Variants in CDH19 observed in about 807,000 individuals in gnomAD.
The protein encoded by CDH19 is cadherin-19.
Under a neutral mutation model 64.2 loss-of-function variants are expected in CDH19, and 67 were observed. The observed-to-expected ratio is 1.04, with a 90% CI of 0.86 to 1.28. CDH19 has a LOEUF of 1.28. Among genes scored for constraint, CDH19 ranks in the 50% most tolerant of loss-of-function variants. The probability of loss-of-function intolerance (pLI) is 0.00; values close to 1 mark genes in which losing one functional copy is unlikely to be tolerated. For synonymous variants in CDH19, 346 were observed against 319.3 expected, an observed-to-expected ratio of 1.08 and a Z score of -0.89; for missense variants, 1,030 against 929.0, an observed-to-expected ratio of 1.11 and a Z score of -1.41.
chr18:66,582,446 T>G (rs921383847), intron 1 of CDH19, among the ~76,000 whole-genome samples: 9 of 151,852 alleles, frequency 5.9e-5, no homozygotes, highest in Non-Finnish European at 1.3e-4. Flanking sequence ...GTATGAAATA[T>G]AAAGAAATGT....
intron 9 of CDH19, among the ~76,000 whole-genome samples, chr18:66,524,540 G>T (rs1986135347): frequency 1.4e-5 from 1 of 72,256 alleles, no homozygotes; most frequent in Non-Finnish European, 2.8e-5. Context: ...GTATGTTTGT[G>T]TGTATATATA....
chr18:66,526,715 T>C (rs1190186306), intron 9 of CDH19, among the ~76,000 whole-genome samples: 1 of 152,070 alleles, frequency 6.6e-6, no homozygotes, highest in East Asian at 1.9e-4. Context: ...TATTTCATCA[T>C]TGTGCATAAG....
Position 66,568,632 on chromosome 18 carries a change from T to C in CDH19, c.274A>G (p.Ile92Val), listed in dbSNP as rs774703578. Residue 92 changes from isoleucine (I) to valine (V), a missense_variant, in exon 3 of 12, where the codon ATT becomes GTT. Ile to Val is a conservative substitution (Grantham distance 29). Coordinates refer to ENST00000262150, the MANE Select transcript of CDH19 (RefSeq NM_021153.4). ...LGAGAGSTFI[I>V]DERTGDIYAI... ...TATATGTCACCTGTTCTTTCATCAA[T>C]GATAAAAGTACTTCCAGCTCCAGCT... 1 of 1,611,778 alleles carries C rather than the reference T, an allele frequency of 6.2e-7. No individual in the cohort carries two copies. The highest frequency in any genetic ancestry group is 8.5e-7 in the Non-Finnish European group (1 of 1,178,654).
chr18:66,544,769 C>T lies in CDH19; in HGVS notation c.910G>A (p.Asp304Asn). 6.2e-7 allele frequency: 1 copy of T among 1,611,568 alleles called. No homozygotes were observed. The highest frequency in any genetic ancestry group is 8.5e-7 in the Non-Finnish European group (1 of 1,178,160). Residue 304 changes from aspartate (D) to asparagine (N), a missense_variant, in exon 6 of 12, where the codon GAC (aspartate) becomes AAC (asparagine). Transcript: ENST00000262150. Reference protein sequence around the residue: ...SIEEDDSQTFDIITNHETQEG... With the variant: ...SIEEDDSQTFNIITNHETQEG... ...TGAGTTTCATGATTAGTAATAATGTCAAATGTTTGCGAATCATCCTCTTCA... is the reference window on the plus strand; with the variant it reads ...TGAGTTTCATGATTAGTAATAATGTTAAATGTTTGCGAATCATCCTCTTCA...
intron 9 of CDH19, among the ~76,000 whole-genome samples, chr18:66,513,359 T>C (rs566830419): frequency 6.6e-6 from 1 of 151,538 alleles, no homozygotes; most frequent in African/African-American, 2.4e-5. Flanking sequence ...TGCCTCCTTT[T>C]AAATGATCAT....
chr18:66,594,203 A>G (rs748421979), intron 1 of CDH19, among the ~76,000 whole-genome samples: 5 of 152,162 alleles, frequency 3.3e-5, no homozygotes, highest in Non-Finnish European at 7.3e-5. Flanking sequence ...CAATTCAACA[A>G]GAAGACTTAA....
At chr18:66,584,202 C>G (rs1356052856) in intron 1 of CDH19, among the ~76,000 whole-genome samples, 1 of 152,014 alleles carries the variant, frequency 6.6e-6, no homozygotes, top group Non-Finnish European at 1.5e-5. Flanking sequence ...TGAACAGACA[C>G]TTTTCTAAAG....
At chr18:66,559,341 T>G (rs1052506934) in intron 3 of CDH19, among the ~76,000 whole-genome samples, 1 of 151,982 alleles carries the variant, frequency 6.6e-6, no homozygotes, top group Non-Finnish European at 1.5e-5. Flanking sequence ...CTTTTAAGCC[T>G]TGACAGTAAT....
At chr18:66,578,076 T>C (rs1988316840) in intron 1 of CDH19, among the ~76,000 whole-genome samples, 1 of 152,094 alleles carries the variant, frequency 6.6e-6, no homozygotes, top group Middle Eastern at 3.4e-3. Flanking sequence ...ATAATCTTCC[T>C]ACCTAAAGAC....
intron 9 of CDH19, among the ~76,000 whole-genome samples, chr18:66,519,143 C>T (rs1393339425): frequency 6.6e-6 from 1 of 152,174 alleles, no homozygotes; most frequent in Non-Finnish European, 1.5e-5. Flanking sequence ...GCTCCACTCT[C>T]ATCTCCAACA....
chr18:66,509,027 A>G lies in CDH19; in HGVS notation c.1796T>C (p.Ile599Thr), dbSNP rs758200517. 2.4e-5 allele frequency: 38 copies of G among 1,612,070 alleles called. No homozygotes were observed. The highest frequency in any genetic ancestry group is 1.4e-5 in the Non-Finnish European group (16 of 1,178,702). ...LSMGFKTEVI[I>T]AILICIMIIF... ...GATCATAATGCAAATGAGAATAGCA[A>G]TGATGACTTCTGTCTTGAATCCCAT... is the stretch of plus-strand genomic sequence containing the variant. Residue 599 changes from isoleucine to threonine, a missense_variant, in exon 11 of 12, where the codon ATT becomes ACT. Coordinates refer to ENST00000262150, the MANE Select transcript of CDH19 (RefSeq NM_021153.4).
At chr18:66,521,877 G>A (rs1370161023) in intron 9 of CDH19, among the ~76,000 whole-genome samples, 1 of 151,384 alleles carries the variant, frequency 6.6e-6, no homozygotes, top group African/African-American at 2.4e-5. Flanking sequence ...AAATGTATTA[G>A]TCTGCCAAAA....
chr18:66,565,164 T>C (rs1313367090), intron 3 of CDH19, among the ~76,000 whole-genome samples: 4 of 151,930 alleles, frequency 2.6e-5, no homozygotes, highest in Non-Finnish European at 5.9e-5. Flanking sequence ...ATAGTAACTT[T>C]GCAAATCCAA....
intron 7 of CDH19, among the ~76,000 whole-genome samples, chr18:66,539,225 G>T (rs2144463164): frequency 6.6e-6 from 1 of 152,178 alleles, no homozygotes; most frequent in South Asian, 2.1e-4. Context: ...TGCAAATAAA[G>T]AAAACTATAT....
chr18:66,510,622 TAATAATAC>T (rs1568171140), intron 10 of CDH19, among the ~76,000 whole-genome samples: 3 of 132,868 alleles, frequency 2.3e-5, no homozygotes, highest in Non-Finnish European at 4.9e-5. Flanking sequence ...ATAATAATAA[TAATAATAC>T]ATGTACCCCC....
At chr18:66,603,708 C>T (rs957553593) in intron 1 of CDH19, among the ~76,000 whole-genome samples, 1 of 152,100 alleles carries the variant, frequency 6.6e-6, no homozygotes, top group African/African-American at 2.4e-5. Context: ...TTCCCCCCAA[C>T]ACCAACAATC....
rs757816167 is a variant in CDH19, at chr18:66,505,224, T to C, written c.1907A>G (p.Glu636Gly). ...LFPEKSEDFR[E>G]NIFQYDDEGG... is the part of the protein sequence containing the mutation. ...TTCATCATCATATTGGAATATATTCTCTCTGAAATCTTCACTTTTCTCAGG... is the reference window on the plus strand; with the variant it reads ...TTCATCATCATATTGGAATATATTCCCTCTGAAATCTTCACTTTTCTCAGG... The change falls in exon 12 of 12, where the codon GAG (glutamate) becomes GGG (glycine). Residue 636 changes from glutamate (E) to glycine (G), a missense_variant. Glu to Gly is a moderately conservative substitution (Grantham distance 98). Transcript: ENST00000262150. The C allele has an allele frequency of 6.2e-7, 1 of 1,604,800 alleles. No individual in the cohort carries two copies. Among genetic ancestry groups the C allele is most frequent in the Non-Finnish European group, 8.5e-7 (1 of 1,177,134 alleles).
At chr18:66,562,369 A>G (rs759512149) in intron 3 of CDH19, among the ~76,000 whole-genome samples, 3 of 151,854 alleles carry the variant, frequency 2.0e-5, no homozygotes, top group Non-Finnish European at 4.4e-5. Flanking sequence ...TGCAACCTAG[A>G]TTCCTCACAT....
chr18:66,596,022 TA>T (rs1465748365), intron 1 of CDH19: 1 of 152,084 alleles, frequency 6.6e-6, no homozygotes, highest in Non-Finnish European at 1.5e-5. Context: ...TGTAAATAAA[TA>T]AATGTGATTC....
Sources: allele counts gnomAD v4.1 joint callset (sites outside exome capture counted in the v4.1 genomes callset), GRCh38; gene constraint gnomAD v4.1.1; transcripts MANE v1.5; gene names NCBI Gene and HGNC (gene_info 2026-07-23, HGNC 2026-07-21).